SPTBN5: variants seen among roughly 807,000 people sequenced by gnomAD.
The protein encoded by SPTBN5 is spectrin beta chain, non-erythrocytic 5.
A neutral mutation model predicts 477.6 loss-of-function variants in SPTBN5; 513 were observed. The ratio of observed to expected loss-of-function variants is 1.07; its 90% CI spans 1.00 to 1.16. The LOEUF is 1.16. Ranked by LOEUF, SPTBN5 falls within the 50% of genes most tolerant of loss-of-function variation. The pLI is 0.00. For missense variants in SPTBN5, 5,062 were observed against 4,731.8 expected (o/e 1.07, Z -2.05); for synonymous variants, 2,169 against 2,011.7 (o/e 1.08, Z -2.09).
In SPTBN5 at chr15:41,873,899, C is replaced by G; in HGVS notation, c.4836G>C (p.Glu1612Asp). Residue 1612 changes from glutamate to aspartate, a missense_variant, in exon 25 of 68, where the codon GAG becomes GAC. Glu to Asp is a conservative substitution (Grantham distance 45, BLOSUM62 2). Coordinates refer to ENST00000320955, the MANE Select transcript of SPTBN5 (RefSeq NM_016642.4). Reference protein sequence around the residue: ...QELEGHWAELERACEARAQCL... With the variant: ...QELEGHWAELDRACEARAQCL... ...ACTGGGCCCGCGCTTCACATGCCCT[C>G]TCCAGCTCTGCCCAGTGGCCTTCCA... 1 of 1,611,550 alleles carries G rather than the reference C, an allele frequency of 6.2e-7. No homozygotes were observed. Among genetic ancestry groups the G allele is most frequent in the Non-Finnish European group, 8.5e-7 (1 of 1,179,896 alleles).
In SPTBN5 at chr15:41,857,317, C is replaced by G. The variant is rs368418064; in HGVS notation, c.8542G>C (p.Gly2848Arg). ...TCCCTCACAAAGGCCTGGGCCTGGCCCAGCAGTGCCTCAGCCTGCCTGGCC... is the reference window on the plus strand; with the variant it reads ...TCCCTCACAAAGGCCTGGGCCTGGCGCAGCAGTGCCTCAGCCTGCCTGGCC... ...KKARQAEALL[G>R]QAQAFVREGH... The change falls in exon 51 of 68, where the codon GGC (glycine) becomes CGC (arginine). Residue 2848 changes from glycine to arginine, a missense_variant. Coordinates refer to ENST00000320955, the MANE Select transcript of SPTBN5 (RefSeq NM_016642.4). The G allele has an allele frequency of 6.4e-7, 1 of 1,568,288 alleles. No homozygotes were observed. Among genetic ancestry groups the G allele is most frequent in the East Asian group, 2.4e-5 (1 of 42,176 alleles).
Position 41,868,162 on chromosome 15 carries a change from C to G in SPTBN5, c.6114G>C (p.Trp2038Cys). 1 of 1,588,634 alleles carries G rather than the reference C, an allele frequency of 6.3e-7. No homozygotes were observed. Among genetic ancestry groups the G allele is most frequent in the African/African-American group, 1.3e-5 (1 of 74,630 alleles). The change falls in exon 34 of 68, where the codon TGG becomes TGC. Residue 2038 changes from tryptophan (W) to cysteine (C), a missense_variant. Transcript: ENST00000320955. ...CCTGCAGCCTCTCTTGCTTCCGTGC[C>G]CAGGTCTGATACACCTGGTCCCGCT... is the stretch of plus-strand genomic sequence containing the variant. ...QDQRDQVYQT[W>C]ARKQERLQAE...
At chr15:41,865,749 TC>T in intron 39 of SPTBN5, 58 bp downstream of exon 39, 1 of 1,438,984 alleles carries the variant, frequency 6.9e-7, no homozygotes, top group Non-Finnish European at 9.5e-7. Flanking sequence ...TTCCCTGCTC[TC>T]AGTTGGATTT....
At chr15:41,872,838 C>T (rs546520796) in intron 26 of SPTBN5, among the ~76,000 whole-genome samples, 46 of 152,284 alleles carry the variant, frequency 3.0e-4, no homozygotes, top group African/African-American at 1.1e-3. Context: ...ATGGGTGCTC[C>T]GTGAGGCCAA....
At chr15:41,871,260 G>T (rs2066524002) in intron 29 of SPTBN5, 115 bp downstream of exon 29, 1 of 1,216,356 alleles carries the variant, frequency 8.2e-7, no homozygotes, top group Non-Finnish European at 1.1e-6. Context: ...AGCCCCGTGG[G>T]CAGCCAGGGC....
Position 41,893,430 on chromosome 15 carries a change from C to G in SPTBN5, c.68G>C (p.Ser23Thr). The G allele has an allele frequency of 6.2e-7, 1 of 1,612,364 alleles. No individual in the cohort carries two copies. Among genetic ancestry groups the G allele is most frequent in the Non-Finnish European group, 8.5e-7 (1 of 1,179,692 alleles). ...GAAGHRSRRPSTELRVPPSPS... is the reference protein window; with the variant it reads ...GAAGHRSRRPTTELRVPPSPS... ...ACTGGGCGGGACCCGGAGTTCTGTG[C>G]TGGGCCTCCTGCTGCGGTGCCCTGC... Residue 23 changes from serine (S) to threonine (T), a missense_variant, in exon 2 of 68, where the codon AGC becomes ACC. Physicochemically the swap from Ser to Thr is moderately conservative, Grantham distance 58. Transcript: ENST00000320955.
intron 67 of SPTBN5, among the ~76,000 whole-genome samples, chr15:41,849,507 T>C (rs1184624697): frequency 6.6e-6 from 1 of 151,924 alleles, no homozygotes; most frequent in Non-Finnish European, 1.5e-5. Context: ...GAGGAGTGCA[T>C]GGGAAACAAA....
intron 55 of SPTBN5, 121 bp downstream of exon 55, chr15:41,855,103 C>A: frequency 7.0e-7 from 1 of 1,426,652 alleles, no homozygotes; most frequent in Non-Finnish European, 9.4e-7. Context: ...CCATCGGGAT[C>A]CTCCCTAGGA....
chr15:41,879,672 C>A, intron 15 of SPTBN5, 62 bp downstream of exon 15: 1 of 1,591,960 alleles, frequency 6.3e-7, no homozygotes, highest in South Asian at 1.1e-5. Context: ...GCAGGTGAGT[C>A]AGGCCCAGGC....
chr15:41,883,831 C>T (rs1183087711), intron 7 of SPTBN5, among the ~76,000 whole-genome samples: 2 of 152,050 alleles, frequency 1.3e-5, no homozygotes, highest in Non-Finnish European at 2.9e-5. Context: ...TGCTCTGTCA[C>T]CCAGGCTAGA....
intron 55 of SPTBN5, 107 bp downstream of exon 55, chr15:41,855,117 C>G: frequency 6.9e-7 from 1 of 1,442,830 alleles, no homozygotes; most frequent in African/African-American, 1.4e-5. Context: ...CCTAGGACAC[C>G]CTCTCCAGGC....
rs775023647 is a variant in SPTBN5 at position 41,875,533 on chromosome 15, C to T, written c.4212G>A (p.Leu1404=). 1 of 1,611,966 alleles carries T rather than the reference C, an allele frequency of 6.2e-7. No homozygotes were observed. The highest frequency in any genetic ancestry group is 8.5e-7 in the Non-Finnish European group (1 of 1,179,210). ...CCCCACGCTCAGTCATCTTGCGGTT[C>T]AAAGCTTCCCACTTGCTTCTCAGGC... is the stretch of plus-strand genomic sequence containing the variant. ...LQGLRSKWEA[L]NRKMTERGDE... is the part of the protein sequence containing the mutation. Residue 1404 remains leucine (L), a synonymous_variant, in exon 22 of 68, where the codon TTG becomes TTA. Coordinates refer to ENST00000320955, the MANE Select transcript of SPTBN5 (RefSeq NM_016642.4).
rs1386843343 is a variant in SPTBN5, at chr15:41,867,574, C to T, written c.6276G>A (p.Glu2092=). ...GGGCAGTCAGAACCTTCAGGAAGAC[C>T]TCGTGCTTGCGAATCAACTGCTCTA... ...EEVEQLIRKH[E]VFLKVLTAQD... is the part of the protein sequence containing the mutation. Residue 2092 remains glutamate (E), a synonymous_variant, in exon 35 of 68, where the codon GAG becomes GAA. Transcript: ENST00000320955. The T allele has an allele frequency of 2.5e-6, 4 of 1,613,914 alleles. No individual in the cohort carries two copies. The highest frequency in any genetic ancestry group is 1.7e-5 in the Admixed American group (1 of 60,032).
In SPTBN5 at chr15:41,875,065, G is replaced by T; in HGVS notation, c.4288-9C>A. Reference sequence around the variant, plus strand: ...AGCTGCTCCTTTGCATCCTGGGAGGGACGCATGGAGCTGCATTAGGTTCTC... The same window carrying T: ...AGCTGCTCCTTTGCATCCTGGGAGGTACGCATGGAGCTGCATTAGGTTCTC... On this transcript the variant is annotated splice_polypyrimidine_tract_variant and intron_variant, in intron 22 of 67. Transcript: ENST00000320955. The T allele has an allele frequency of 1.2e-6, 2 of 1,604,568 alleles. No individual in the cohort carries two copies. The highest frequency in any genetic ancestry group is 8.5e-7 in the Non-Finnish European group (1 of 1,174,656).
chr15:41,893,462 G>T lies in SPTBN5; in HGVS notation c.36C>A (p.Leu12=). The change falls in exon 2 of 68, where the codon CTC becomes CTA. Residue 12 remains leucine, a synonymous_variant. Coordinates refer to ENST00000320955, the MANE Select transcript of SPTBN5 (RefSeq NM_016642.4). The part of the protein sequence containing the change: ...AGQPHSPREL[L]GAAGHRSRRP... ...TCCTGCTGCGGTGCCCTGCAGCCCC[G>T]AGGAGCTCCCGGGGACTGTGGGGCT... 6.2e-7 allele frequency: 1 copy of T among 1,605,060 alleles called. No individual in the cohort carries two copies. Among genetic ancestry groups the T allele is most frequent in the Non-Finnish European group, 8.5e-7 (1 of 1,177,540 alleles).
Position 41,879,611 on chromosome 15 carries a change from C to A in SPTBN5, c.2943-112G>T, listed in dbSNP as rs1166956211. 3 of 1,562,242 alleles carry A rather than the reference C, an allele frequency of 1.9e-6. No homozygotes were observed. The African/African-American group carries it at 4.0e-5, about 21-fold the overall frequency. On this transcript the variant is annotated intron_variant, in intron 15 of 67. Transcript: ENST00000320955. ...GCTGCCAGACTGGCTGTCCCTTGCC[C>A]CTTCCCTGTGCCTCGGACACGTCCA...
Position 41,870,251 on chromosome 15 carries a change from C to A in SPTBN5, c.5665G>T (p.Glu1889Ter), listed in dbSNP as rs551110583. Residue 1889 changes from glutamate (E) to a stop codon, truncating the protein, a stop_gained, in exon 31 of 68, where the codon GAG becomes TAG. Transcript: ENST00000320955. LOFTEE classifies it high-confidence loss of function. ...CAGCCAGCTGGGCTCACCTGCCGCT[C>A]GGTGCCCACGAGTTCTCGCTCCAGC... ...QGLERELVGT[E>*]RQLQELLETA... 4 of 1,549,662 alleles carry A rather than the reference C, an allele frequency of 2.6e-6. No homozygotes were observed. Among genetic ancestry groups the A allele is most frequent in the Non-Finnish European group, 1.7e-6 (2 of 1,146,926 alleles).
chr15:41,857,749 A>C, intron 49 of SPTBN5, 39 bp from the exon 50 acceptor site: 1 of 1,528,908 alleles, frequency 6.5e-7, no homozygotes, highest in Admixed American at 1.9e-5. Context: ...TGGACTCAGG[A>C]CTGCTGGTAC....
chr15:41,853,709 C>T lies in SPTBN5; in HGVS notation c.9853G>A (p.Ala3285Thr). The stretch of plus-strand genomic sequence containing the variant: ...TGCACCTTGGCCAGGCCCCCCGGAG[C>T]TGCAGGATGTAGCTGGCCCAGTCGG... ...ACRLGQLHPA[A>T]PGGLAKVQEA... The change falls in exon 58 of 68, where the codon GCT (alanine) becomes ACT (threonine). Residue 3285 changes from alanine (A) to threonine (T), a missense_variant. Physicochemically the swap from Ala to Thr is moderately conservative, Grantham distance 58. Transcript: ENST00000320955. The T allele has an allele frequency of 6.3e-7, 1 of 1,596,320 alleles. No homozygotes were observed. The highest frequency in any genetic ancestry group is 8.5e-7 in the Non-Finnish European group (1 of 1,172,478).
Sources: allele counts gnomAD v4.1 joint callset (sites outside exome capture counted in the v4.1 genomes callset), GRCh38; gene constraint gnomAD v4.1.1; transcripts MANE v1.5; gene names NCBI Gene and HGNC (gene_info 2026-07-23, HGNC 2026-07-21).